RBFOX1: variants seen among roughly 807,000 people sequenced by gnomAD.
The protein encoded by RBFOX1 is RNA binding protein fox-1 homolog 1.
Under a neutral mutation model 57.7 loss-of-function variants are expected in RBFOX1, and 8 were observed. The ratio of observed to expected loss-of-function variants is 0.14; its 90% CI spans 0.08 to 0.25. The LOEUF (loss-of-function observed/expected upper bound fraction) is 0.25, where lower values mean the gene tolerates loss of function less well. Ranked by LOEUF, RBFOX1 falls within the 10% of genes least tolerant of loss-of-function variation. The pLI, the probability that RBFOX1 is intolerant of heterozygous loss-of-function variation, is 1.00. For synonymous variants in RBFOX1, 326 were observed against 222.4 expected, an observed-to-expected ratio of 1.47 and a Z score of -4.15; for missense variants, 611 against 548.5, an observed-to-expected ratio of 1.11 and a Z score of -1.14.
chr16:6,121,532 T>A (rs951137458), intron 1 of RBFOX1, among the ~76,000 whole-genome samples: 1 of 152,218 alleles, frequency 6.6e-6, no homozygotes, highest in Non-Finnish European at 1.5e-5. Context: ...TTAACCTTTT[T>A]GTTTTTGCTG....
intron 1 of RBFOX1, among the ~76,000 whole-genome samples, chr16:5,331,352 T>G (rs1022761246): frequency 5.3e-5 from 8 of 152,208 alleles, no homozygotes; most frequent in Non-Finnish European, 1.0e-4. Flanking sequence ...AACTTCATAA[T>G]TACTATGTTC....
intron 2 of RBFOX1, among the ~76,000 whole-genome samples, chr16:5,478,343 C>T (rs942415871): frequency 2.0e-5 from 3 of 152,064 alleles, no homozygotes; most frequent in African/African-American, 4.8e-5. Flanking sequence ...ATTTGTGCTT[C>T]TGGAGGGGGA....
chr16:6,500,320 A>G (rs370325366), intron 2 of RBFOX1, among the ~76,000 whole-genome samples: 26 of 152,112 alleles, frequency 1.7e-4, no homozygotes, highest in Admixed American at 9.8e-4. Flanking sequence ...TACACATTCT[A>G]TTTTGCTGCA....
At chr16:5,671,079 A>T (rs1202417505) in intron 3 of RBFOX1, among the ~76,000 whole-genome samples, 1 of 152,252 alleles carries the variant, frequency 6.6e-6, no homozygotes, top group Non-Finnish European at 1.5e-5. Flanking sequence ...TCAGCCTCAC[A>T]CAAACCAGAG....
intron 4 of RBFOX1, among the ~76,000 whole-genome samples, chr16:7,428,323 C>CTTTT (rs201523653): frequency 5.6e-4 from 63 of 112,304 alleles, no homozygotes; most frequent in Non-Finnish European, 7.2e-4. Context: ...GAATTAATAT[C>CTTTT]TTTTTTTTTT....
At chr16:5,998,265 T>G (rs1208987646) in intron 4 of RBFOX1, among the ~76,000 whole-genome samples, 1 of 152,214 alleles carries the variant, frequency 6.6e-6, no homozygotes, top group Non-Finnish European at 1.5e-5. Context: ...TTAGATCTCT[T>G]TGATAGTCTC....
At chr16:7,658,074 A>C (rs1661954894) in intron 12 of RBFOX1, among the ~76,000 whole-genome samples, 1 of 152,198 alleles carries the variant, frequency 6.6e-6, no homozygotes, top group Non-Finnish European at 1.5e-5. Context: ...AGGGTGAAGC[A>C]GGGAAATCCA....
At chr16:7,673,209 A>G (rs2072149956) in intron 13 of RBFOX1, among the ~76,000 whole-genome samples, 1 of 152,120 alleles carries the variant, frequency 6.6e-6, no homozygotes, top group East Asian at 1.9e-4. Context: ...TTTATTTTCA[A>G]AAGTGATCTA....
At chr16:7,319,647 G>A (rs1049377379) in intron 4 of RBFOX1, among the ~76,000 whole-genome samples, 20 of 152,158 alleles carry the variant, frequency 1.3e-4, no homozygotes, top group African/African-American at 3.9e-4. Flanking sequence ...GATTTAGAAT[G>A]TGGGCACCTG....
At chr16:6,265,376 C>T (rs2074353090) in intron 1 of RBFOX1, among the ~76,000 whole-genome samples, 1 of 152,082 alleles carries the variant, frequency 6.6e-6, no homozygotes, top group Admixed American at 6.6e-5. Context: ...ATTCTCCTGC[C>T]TCAGCCTCCC....
At chr16:7,641,315 G>C (rs1341536387) in intron 11 of RBFOX1, among the ~76,000 whole-genome samples, 1 of 152,310 alleles carries the variant, frequency 6.6e-6, no homozygotes, top group Admixed American at 6.5e-5. Context: ...AAGGGAAAAA[G>C]AGCCTGGTGT....
At chr16:7,349,741 A>G (rs964674728) in intron 4 of RBFOX1, among the ~76,000 whole-genome samples, 3 of 152,166 alleles carry the variant, frequency 2.0e-5, no homozygotes, top group Non-Finnish European at 4.4e-5. Flanking sequence ...TGTGTGCTAG[A>G]CAATACAGTT....
chr16:5,652,794 G>C (rs1003652757), intron 3 of RBFOX1, among the ~76,000 whole-genome samples: 1 of 152,236 alleles, frequency 6.6e-6, no homozygotes, highest in African/African-American at 2.4e-5. Flanking sequence ...GTGGATTACA[G>C]ATCTCCTTTT....
intron 3 of RBFOX1, among the ~76,000 whole-genome samples, chr16:5,693,413 C>G (rs527361307): frequency 2.0e-5 from 3 of 150,826 alleles, no homozygotes; most frequent in African/African-American, 7.3e-5. Context: ...AATCAAAACA[C>G]TGCAATGGAT....
At chr16:5,920,225 C>T in intron 4 of RBFOX1, among the ~76,000 whole-genome samples, 1 of 152,216 alleles carries the variant, frequency 6.6e-6, no homozygotes, top group East Asian at 1.9e-4. Flanking sequence ...TGAGCCACCA[C>T]ACCCGGCCAT....
Position 6,979,251 on chromosome 16 carries a change from G to C in RBFOX1, c.-15-72806G>C, listed in dbSNP as rs189100526. Among the ~76,000 whole-genome samples, 210 of 152,254 alleles carry C rather than the reference G, an allele frequency of 1.4e-3. 1 individual carries two copies. The highest frequency in any genetic ancestry group is 2.6e-3 in the Non-Finnish European group (176 of 68,026). On this transcript the variant is annotated intron_variant, in intron 3 of 15. Transcript: ENST00000550418. ...AAGAGGTGAATAAGAGAAAAATACA[G>C]TTAAATAGTAAAAACCTTAGAGGAT...
chr16:6,024,310 C>T lies in RBFOX1; in HGVS notation c.-127+4318C>T, dbSNP rs773656345. On this transcript the variant is annotated intron_variant, in intron 1 of 15. Transcript: ENST00000550418. ...TATATTGTCGTGGGGGAAGCCGCGT[C>T]ATAAGCAAGACGTTGAAATATATTT... Among the ~76,000 whole-genome samples, 13 of 152,160 alleles carry T rather than the reference C, an allele frequency of 8.5e-5. No individual in the cohort carries two copies. The East Asian group carries it at 2.3e-3, about 27-fold the overall frequency.
chr16:5,822,898 C>T (rs1010512088), intron 3 of RBFOX1, among the ~76,000 whole-genome samples: 1 of 152,212 alleles, frequency 6.6e-6, no homozygotes, highest in Non-Finnish European at 1.5e-5. Context: ...TCTGAGGCCT[C>T]TGTCTTGCCA....
chr16:6,656,100 C>T (rs948288553), intron 3 of RBFOX1, among the ~76,000 whole-genome samples: 1 of 152,106 alleles, frequency 6.6e-6, no homozygotes, highest in Non-Finnish European at 1.5e-5. Context: ...CTGGTATATG[C>T]ATGTGTGCAT....
Sources: gnomAD v4.1 joint callset for allele counts (sites outside exome capture counted in the v4.1 genomes callset) on GRCh38, gnomAD v4.1.1 for gene constraint, MANE v1.5 for transcripts, NCBI Gene and HGNC (gene_info 2026-07-23, HGNC 2026-07-21) for gene names.